Variants in PTPRD observed in about 807,000 individuals in gnomAD.
The protein encoded by PTPRD is protein tyrosine phosphatase receptor type D.
A neutral mutation model predicts 214.5 loss-of-function variants in PTPRD; 34 were observed. The observed-to-expected ratio is 0.16, with a 90% CI of 0.12 to 0.21. PTPRD has a LOEUF of 0.21. Ranked by LOEUF, PTPRD falls within the 10% of genes least tolerant of loss-of-function variation. PTPRD has a pLI of 1.00. For synonymous variants in PTPRD, 1,128 were observed against 845.7 expected, an observed-to-expected ratio of 1.33 and a Z score of -5.79; for missense variants, 2,545 against 2,398.7, an observed-to-expected ratio of 1.06 and a Z score of -1.27.
At chr9:9,081,733 C>T (rs1281912877) in intron 10 of PTPRD, among the ~76,000 whole-genome samples, 1 of 151,736 alleles carries the variant, frequency 6.6e-6, no homozygotes, top group African/African-American at 2.4e-5. Flanking sequence ...TGCAATGATT[C>T]CTTTACCATT....
chr9:8,787,390 T>C (rs1383151406), intron 11 of PTPRD, among the ~76,000 whole-genome samples: 5 of 152,206 alleles, frequency 3.3e-5, no homozygotes, highest in Non-Finnish European at 7.3e-5. Flanking sequence ...TAAACATCCC[T>C]CATTTCTGAC....
At chr9:9,870,412 G>C (rs926822091) in intron 5 of PTPRD, among the ~76,000 whole-genome samples, 3 of 151,818 alleles carry the variant, frequency 2.0e-5, no homozygotes, top group Non-Finnish European at 4.4e-5. Flanking sequence ...TTTGTTACTT[G>C]CATATAGATT....
rs1047460769 is a variant in PTPRD at position 9,510,257 on chromosome 9, T to A, written c.-237+64475A>T. 2.0e-5 allele frequency among the ~76,000 whole-genome samples: 3 copies of A among 151,784 alleles called. No individual in the cohort carries two copies. The Admixed American group carries it at 2.0e-4, about 10-fold the overall frequency. On this transcript the variant is annotated intron_variant, in intron 8 of 45. Coordinates refer to ENST00000381196, the MANE Select transcript of PTPRD (RefSeq NM_002839.4). ...CCTACATTAAAGTCATTTTTTTTTCTTTTTTGGAACTACTTAGAATAGTAT... is the reference window on the plus strand; with the variant it reads ...CCTACATTAAAGTCATTTTTTTTTCATTTTTGGAACTACTTAGAATAGTAT...
At position 10,432,835 on chromosome 9, in the gene PTPRD, A is replaced by C. The variant is rs551142412; in HGVS notation, c.-599-91818T>G. On this transcript the variant is annotated intron_variant, in intron 2 of 45. Transcript: ENST00000381196. Reference sequence around the variant, plus strand: ...TGCTGGGACCAAACAAACTACTCCTATTTCCCGAGGATGACAGGTTGTTTC... The same window carrying C: ...TGCTGGGACCAAACAAACTACTCCTCTTTCCCGAGGATGACAGGTTGTTTC... Among the ~76,000 whole-genome samples, 14 of 151,874 alleles carry C rather than the reference A, an allele frequency of 9.2e-5. No homozygotes were observed. The South Asian group carries it at 2.7e-3, about 29-fold the overall frequency.
chr9:8,683,786 A>C (rs1288173547), intron 12 of PTPRD, among the ~76,000 whole-genome samples: 2 of 151,936 alleles, frequency 1.3e-5, no homozygotes, highest in African/African-American at 4.8e-5. Context: ...GCTTCTGCCG[A>C]CTCTCCTTCT....
At chr9:10,357,762 A>C (rs776288312) in intron 2 of PTPRD, among the ~76,000 whole-genome samples, 8 of 152,220 alleles carry the variant, frequency 5.3e-5, no homozygotes, top group Non-Finnish European at 8.8e-5. Context: ...ACGACTATGC[A>C]TAAAGTGCCG....
intron 8 of PTPRD, among the ~76,000 whole-genome samples, chr9:9,470,994 G>A (rs2094548851): frequency 6.6e-6 from 1 of 152,116 alleles, no homozygotes; most frequent in African/African-American, 2.4e-5. Context: ...GAATTCCAAT[G>A]GGTGCAGCCA....
At chr9:10,379,999 T>C (rs1367535295) in intron 2 of PTPRD, among the ~76,000 whole-genome samples, 3 of 152,050 alleles carry the variant, frequency 2.0e-5, no homozygotes, top group Admixed American at 1.3e-4. Context: ...TTGCCCAGGC[T>C]AGCAGGCTAG....
intron 9 of PTPRD, among the ~76,000 whole-genome samples, chr9:9,291,358 C>G (rs546348471): frequency 1.9e-4 from 29 of 151,472 alleles, no homozygotes; most frequent in African/African-American, 7.0e-4. Flanking sequence ...CAATTAAATG[C>G]AGACATAAAG....
At chr9:8,553,006 C>G (rs1039805888) in intron 14 of PTPRD, among the ~76,000 whole-genome samples, 1 of 152,048 alleles carries the variant, frequency 6.6e-6, no homozygotes, top group Non-Finnish European at 1.5e-5. Context: ...GACCACAGAC[C>G]CAAGAGAGAG....
chr9:8,850,329 C>A (rs1307103889), intron 11 of PTPRD, among the ~76,000 whole-genome samples: 2 of 151,728 alleles, frequency 1.3e-5, no homozygotes, highest in Admixed American at 6.6e-5. Flanking sequence ...CAGATAGCCA[C>A]CTGAAAGGGG....
intron 8 of PTPRD, among the ~76,000 whole-genome samples, chr9:9,552,465 A>G (rs2080522363): frequency 6.6e-6 from 1 of 152,106 alleles, no homozygotes; most frequent in Non-Finnish European, 1.5e-5. Context: ...CTATTAAATA[A>G]TTTTAACTTC....
chr9:9,259,192 C>T (rs545446164), intron 9 of PTPRD, among the ~76,000 whole-genome samples: 2 of 151,966 alleles, frequency 1.3e-5, no homozygotes, highest in East Asian at 2.0e-4. Flanking sequence ...CAACCAGTGA[C>T]TGCCAGACAT....
chr9:10,583,237 A>G (rs2072635831), intron 2 of PTPRD, among the ~76,000 whole-genome samples: 1 of 152,216 alleles, frequency 6.6e-6, no homozygotes, highest in Non-Finnish European at 1.5e-5. Flanking sequence ...GAGTTGGGTC[A>G]GCAGAAAGAT....
intron 7 of PTPRD, among the ~76,000 whole-genome samples, chr9:9,711,247 G>T (rs2097723380): frequency 6.6e-6 from 1 of 152,148 alleles, no homozygotes. Context: ...TTTGTGAGCA[G>T]AAATATGCCA....
At chr9:9,836,624 G>A (rs146239161) in intron 5 of PTPRD, among the ~76,000 whole-genome samples, 1 of 152,246 alleles carries the variant, frequency 6.6e-6, no homozygotes, top group East Asian at 1.9e-4. Context: ...GATGCAGAGA[G>A]TAACATAGAG....
intron 5 of PTPRD, among the ~76,000 whole-genome samples, chr9:9,912,640 T>C (rs1601871720): frequency 6.6e-6 from 1 of 152,292 alleles, no homozygotes; most frequent in African/African-American, 2.4e-5. Flanking sequence ...AGTTTGCATC[T>C]CCCTCTGGTG....
intron 8 of PTPRD, among the ~76,000 whole-genome samples, chr9:9,496,036 T>C (rs148793568): frequency 7.2e-5 from 11 of 152,232 alleles, no homozygotes; most frequent in African/African-American, 1.7e-4. Flanking sequence ...CTCACTCACA[T>C]GCTCCCTCCT....
intron 44 of PTPRD, among the ~76,000 whole-genome samples, chr9:8,321,515 AT>A (rs1193399596): frequency 3.8e-5 from 5 of 130,218 alleles, no homozygotes; most frequent in East Asian, 2.1e-4. Flanking sequence ...ATATATATAT[AT>A]ATATATATAT....
Sources: allele counts gnomAD v4.1 joint callset (sites outside exome capture counted in the v4.1 genomes callset), GRCh38; gene constraint gnomAD v4.1.1; transcripts MANE v1.5; gene names NCBI Gene and HGNC (gene_info 2026-07-23, HGNC 2026-07-21).